MYRIP: variants seen among roughly 807,000 people sequenced by gnomAD.
MYRIP encodes the protein myosin VIIA and Rab interacting protein.
Under a neutral mutation model 98.0 loss-of-function variants are expected in MYRIP, and 49 were observed. The observed-to-expected ratio is 0.50, with a 90% CI of 0.40 to 0.63. MYRIP has a LOEUF of 0.63. Among genes scored for constraint, MYRIP ranks in the 30% least tolerant of loss-of-function variants. MYRIP has a pLI of 0.00. For missense variants in MYRIP, 1,004 were observed against 1,058.2 expected, an observed-to-expected ratio of 0.95 and a Z score of 0.71; for synonymous variants, 404 against 409.5, an observed-to-expected ratio of 0.99 and a Z score of 0.16.
chr3:40,037,127 A>AGTAATT lies in MYRIP; in HGVS notation c.111-6923_111-6922insGTAATT, dbSNP rs1158339384. Among the ~76,000 whole-genome samples the AGTAATT allele has an allele frequency of 4.7e-3, 723 of 152,250 alleles. 5 individuals are homozygous for AGTAATT. Among genetic ancestry groups the AGTAATT allele is most frequent in the African/African-American group, 0.017 (688 of 41,570 alleles). On this transcript the variant is annotated intron_variant, in intron 2 of 16. Coordinates refer to ENST00000302541, the MANE Select transcript of MYRIP (RefSeq NM_015460.4). ...GTCCAAATCTATTAGTAATTTCAAT[A>AGTAATT]TAAATGTATGTCTTGCTCTCAGTGA...
chr3:39,878,502 A>G (rs1442018677), intron 1 of MYRIP, among the ~76,000 whole-genome samples: 1 of 152,074 alleles, frequency 6.6e-6, no homozygotes, highest in African/African-American at 2.4e-5. Context: ...TGATTTTTCA[A>G]CAGTATGCGC....
intron 2 of MYRIP, among the ~76,000 whole-genome samples, chr3:39,993,573 C>G (rs562469595): frequency 6.6e-6 from 1 of 152,310 alleles, no homozygotes; most frequent in African/African-American, 2.4e-5. Context: ...CTGAACCCTG[C>G]CTGGCAATCC....
At chr3:39,855,868 C>T (rs1942273261) in intron 1 of MYRIP, among the ~76,000 whole-genome samples, 1 of 152,164 alleles carries the variant, frequency 6.6e-6, no homozygotes, top group African/African-American at 2.4e-5. Context: ...TTGTCCACTA[C>T]CAATTTCAGT....
At chr3:40,053,286 C>A (rs373748853) in intron 3 of MYRIP, among the ~76,000 whole-genome samples, 17 of 152,202 alleles carry the variant, frequency 1.1e-4, no homozygotes, top group Middle Eastern at 3.4e-3. Flanking sequence ...AATTAATGGG[C>A]AATTTAGGTT....
At chr3:40,072,046 C>T (rs1948242976) in intron 3 of MYRIP, among the ~76,000 whole-genome samples, 1 of 152,164 alleles carries the variant, frequency 6.6e-6, no homozygotes, top group East Asian at 1.9e-4. Flanking sequence ...TAATGGGAAA[C>T]CCCCCAGTTT....
chr3:39,934,683 C>T (rs1356301001), intron 2 of MYRIP, among the ~76,000 whole-genome samples: 2 of 152,166 alleles, frequency 1.3e-5, no homozygotes, highest in Non-Finnish European at 2.9e-5. Flanking sequence ...AAGAAACAGA[C>T]AGCAGCAGTG....
chr3:39,823,847 C>G (rs1447186761), intron 1 of MYRIP, among the ~76,000 whole-genome samples: 1 of 151,946 alleles, frequency 6.6e-6, no homozygotes, highest in African/African-American at 2.4e-5. Context: ...TTTGGAGAAG[C>G]TTTTTAGTTT....
chr3:40,172,556 A>ATTACCTTAT (rs1950640382), intron 8 of MYRIP, among the ~76,000 whole-genome samples: 1 of 152,186 alleles, frequency 6.6e-6, no homozygotes, highest in African/African-American at 2.4e-5. Context: ...TTGCTCTATT[A>ATTACCTTAT]TTACCTTATT....
chr3:40,170,854 G>T (rs1309024913), intron 8 of MYRIP, among the ~76,000 whole-genome samples: 1 of 152,140 alleles, frequency 6.6e-6, no homozygotes, highest in Non-Finnish European at 1.5e-5. Flanking sequence ...GAAAGGCAAG[G>T]CCAGGGGCTT....
chr3:40,103,780 T>C (rs918858382), intron 3 of MYRIP, among the ~76,000 whole-genome samples: 6 of 151,728 alleles, frequency 4.0e-5, no homozygotes, highest in Non-Finnish European at 8.8e-5. Flanking sequence ...AAAAAAAAAC[T>C]CTGGCTACAG....
intron 10 of MYRIP, among the ~76,000 whole-genome samples, chr3:40,206,223 T>C (rs976227085): frequency 2.6e-5 from 4 of 152,136 alleles, no homozygotes; most frequent in Non-Finnish European, 4.4e-5. Context: ...GTTGATAACA[T>C]AGGGCAGGGA....
intron 1 of MYRIP, among the ~76,000 whole-genome samples, chr3:39,852,057 A>T (rs1006513449): frequency 1.3e-5 from 2 of 152,278 alleles, no homozygotes; most frequent in African/African-American, 2.4e-5. Context: ...TCAACAATTT[A>T]GCCCACATGT....
At chr3:40,196,646 T>G (rs11928243) in intron 10 of MYRIP, among the ~76,000 whole-genome samples, 227 of 152,364 alleles carry the variant, frequency 1.5e-3, no homozygotes, top group Non-Finnish European at 2.7e-3. Flanking sequence ...GTGAATGTTT[T>G]ATGTGTGTTT....
chr3:40,067,714 C>T (rs1378646116), intron 3 of MYRIP, among the ~76,000 whole-genome samples: 1 of 151,990 alleles, frequency 6.6e-6, no homozygotes, highest in Non-Finnish European at 1.5e-5. Flanking sequence ...AGAAAGTTAA[C>T]TTCTGTTTCT....
intron 2 of MYRIP, among the ~76,000 whole-genome samples, chr3:40,032,642 A>G (rs1008125270): frequency 3.7e-4 from 56 of 152,302 alleles, no homozygotes; most frequent in African/African-American, 1.3e-3. Flanking sequence ...TACCAGAGGT[A>G]CAAGGAGGAA....
At chr3:40,204,164 T>A (rs376655087) in intron 10 of MYRIP, among the ~76,000 whole-genome samples, 4 of 28,180 alleles carry the variant, frequency 1.4e-4, no homozygotes, top group South Asian at 8.1e-4. Context: ...ATATATAATA[T>A]AATATTTATA....
At chr3:39,947,057 A>G (rs1037927459) in intron 2 of MYRIP, among the ~76,000 whole-genome samples, 2 of 152,210 alleles carry the variant, frequency 1.3e-5, no homozygotes, top group Non-Finnish European at 2.9e-5. Flanking sequence ...TTATATGGTT[A>G]AGATAGCCTT....
intron 1 of MYRIP, among the ~76,000 whole-genome samples, chr3:39,886,263 G>T: frequency 7.1e-6 from 1 of 140,028 alleles, no homozygotes; most frequent in African/African-American, 3.1e-5. Context: ...ATCGAGACTA[G>T]GAAGAAACTG....
intron 2 of MYRIP, among the ~76,000 whole-genome samples, chr3:40,002,393 G>C (rs1221193512): frequency 6.6e-6 from 1 of 152,042 alleles, no homozygotes; most frequent in Admixed American, 6.5e-5. Flanking sequence ...AAATTAGCTG[G>C]GCATAGTGGC....
Sources: gnomAD v4.1 joint callset for allele counts (sites outside exome capture counted in the v4.1 genomes callset) on GRCh38, gnomAD v4.1.1 for gene constraint, MANE v1.5 for transcripts, NCBI Gene and HGNC (gene_info 2026-07-23, HGNC 2026-07-21) for gene names.